Variants in SOX5 observed in about 807,000 individuals in gnomAD.
SOX5 encodes the protein SRY-box transcription factor 5.
SOX5 carries 9 observed loss-of-function variants against 92.0 expected under a neutral mutation model. The observed-to-expected ratio is 0.10, with a 90% CI of 0.06 to 0.17. The LOEUF (loss-of-function observed/expected upper bound fraction) is 0.17. SOX5 is among the 10% of genes least tolerant of loss of function. SOX5 has a pLI of 1.00. For synonymous variants in SOX5, 344 were observed against 336.3 expected (o/e 1.02, Z -0.25); for missense variants, 642 against 944.5 (o/e 0.68, Z 4.20).
chr12:24,191,817 T>C (rs562634866), intron 4 of SOX5, among the ~76,000 whole-genome samples: 2 of 152,118 alleles, frequency 1.3e-5, no homozygotes, highest in Non-Finnish European at 2.9e-5. Flanking sequence ...GATTATGAAC[T>C]AGAGAAAGGC....
chr12:23,823,255 C>A lies in SOX5; in HGVS notation c.481+22728G>T, dbSNP rs149804532. 8.3e-3 allele frequency among the ~76,000 whole-genome samples: 1,259 copies of A among 152,162 alleles called. 8 individuals are homozygous for A. Among genetic ancestry groups the A allele is most frequent in the Middle Eastern group, 0.027 (8 of 294 alleles). On this transcript the variant is annotated intron_variant, in intron 3 of 14. Coordinates refer to ENST00000451604, the MANE Select transcript of SOX5 (RefSeq NM_006940.6). ...GTTTGTTTTTGCAGTGGCTGGTACC[C>A]ATTTTTCCTTTTCAAATTTGTGCTT... is the stretch of plus-strand genomic sequence containing the variant.
chr12:23,807,550 G>C (rs1299323994), intron 3 of SOX5, among the ~76,000 whole-genome samples: 2 of 152,102 alleles, frequency 1.3e-5, no homozygotes, highest in African/African-American at 4.8e-5. Flanking sequence ...AGGTAGGAAG[G>C]ATGCTACCAA....
chr12:23,698,568 A>C (rs1208639785), intron 6 of SOX5, among the ~76,000 whole-genome samples: 1 of 152,184 alleles, frequency 6.6e-6, no homozygotes, highest in Non-Finnish European at 1.5e-5. Context: ...TCTTGAACAT[A>C]GTGAATATAT....
chr12:23,566,877 G>C (rs999554908), intron 10 of SOX5, among the ~76,000 whole-genome samples: 3 of 152,186 alleles, frequency 2.0e-5, no homozygotes, highest in African/African-American at 7.2e-5. Flanking sequence ...TTCTTGGTAA[G>C]TGTGATATTT....
intron 3 of SOX5, among the ~76,000 whole-genome samples, chr12:23,787,444 T>C (rs2095401284): frequency 6.6e-6 from 1 of 152,008 alleles, no homozygotes; most frequent in South Asian, 2.1e-4. Context: ...AATTTTATAT[T>C]AAAGGGCAGT....
chr12:24,251,950 TA>T (rs71059994), intron 3 of SOX5, among the ~76,000 whole-genome samples: 32,444 of 148,404 alleles, frequency 0.22, 3,675 homozygotes, highest in African/African-American at 0.27. Flanking sequence ...ACCCAGTTAT[TA>T]AAAAAAAAAA....
At chr12:24,172,228 C>T (rs1179068257) in intron 4 of SOX5, among the ~76,000 whole-genome samples, 1 of 151,996 alleles carries the variant, frequency 6.6e-6, no homozygotes, top group Non-Finnish European at 1.5e-5. Flanking sequence ...CATAGAGTAA[C>T]ACTTCCTTTT....
At chr12:23,974,176 C>T (rs1948662395) in intron 4 of SOX5, among the ~76,000 whole-genome samples, 1 of 152,032 alleles carries the variant, frequency 6.6e-6, no homozygotes, top group Admixed American at 6.6e-5. Context: ...TCTAAATATC[C>T]TGTAAAATAC....
At chr12:24,168,743 G>GC (rs1033287853) in intron 4 of SOX5, among the ~76,000 whole-genome samples, 1 of 152,138 alleles carries the variant, frequency 6.6e-6, no homozygotes. Context: ...TATAAAAGAA[G>GC]CCCCATCATT....
At chr12:24,126,873 A>G (rs1236919248) in intron 4 of SOX5, among the ~76,000 whole-genome samples, 1 of 152,096 alleles carries the variant, frequency 6.6e-6, no homozygotes, top group Non-Finnish European at 1.5e-5. Context: ...ATGTCTCCCT[A>G]TATGGAACTC....
At chr12:24,457,121 A>G (rs1025068945) in intron 1 of SOX5, among the ~76,000 whole-genome samples, 8 of 152,220 alleles carry the variant, frequency 5.3e-5, no homozygotes, top group African/African-American at 1.4e-4. Flanking sequence ...ATACAGTAAC[A>G]CATTCCAAAT....
chr12:23,727,822 G>A (rs2093216784), intron 6 of SOX5, among the ~76,000 whole-genome samples: 1 of 152,094 alleles, frequency 6.6e-6, no homozygotes, highest in South Asian at 2.1e-4. Context: ...GAAGAGTAAA[G>A]TATAGAGAAC....
chr12:23,909,622 T>C (rs1481803501), intron 1 of SOX5, among the ~76,000 whole-genome samples: 1 of 152,172 alleles, frequency 6.6e-6, no homozygotes, highest in Non-Finnish European at 1.5e-5. Flanking sequence ...TTTTCTGCTG[T>C]TCTCTACAGT....
chr12:24,541,060 G>A (rs1238658477), intron 1 of SOX5, among the ~76,000 whole-genome samples: 1 of 152,180 alleles, frequency 6.6e-6, no homozygotes, highest in Non-Finnish European at 1.5e-5. Flanking sequence ...GCCCCAGTCT[G>A]TAGGCTTCTA....
intron 4 of SOX5, among the ~76,000 whole-genome samples, chr12:24,155,938 T>G (rs984336469): frequency 1.3e-5 from 2 of 152,096 alleles, no homozygotes; most frequent in Non-Finnish European, 2.9e-5. Context: ...ATGCAGCAAA[T>G]GCAAATACTT....
intron 2 of SOX5, among the ~76,000 whole-genome samples, chr12:24,282,787 G>C (rs184833019): frequency 3.1e-4 from 47 of 152,294 alleles, no homozygotes; most frequent in Admixed American, 1.0e-3. Flanking sequence ...TGCTAGATCT[G>C]GGTCTTGACC....
chr12:23,999,333 A>C (rs117405013), intron 4 of SOX5, among the ~76,000 whole-genome samples: 2,375 of 152,270 alleles, frequency 0.016, 29 homozygotes, highest in South Asian at 0.047. Context: ...GATTTTGACC[A>C]AAGAGTATAA....
At chr12:23,534,704 C>CTTTTTT (rs60460683) in intron 14 of SOX5, among the ~76,000 whole-genome samples, 182 bp from the exon 15 acceptor site, 68 of 108,816 alleles carry the variant, frequency 6.2e-4, no homozygotes, top group Non-Finnish European at 8.1e-4. Context: ...CTTTTCTTTT[C>CTTTTTT]TTTTTTTTTT....
chr12:23,584,046 T>C (rs1338124843), intron 9 of SOX5, among the ~76,000 whole-genome samples: 2 of 152,162 alleles, frequency 1.3e-5, no homozygotes, highest in Non-Finnish European at 2.9e-5. Context: ...GAAATGGTAC[T>C]TCCACCTGAA....
Sources: allele counts gnomAD v4.1 joint callset (sites outside exome capture counted in the v4.1 genomes callset), GRCh38; gene constraint gnomAD v4.1.1; transcripts MANE v1.5; gene names NCBI Gene and HGNC (gene_info 2026-07-23, HGNC 2026-07-21).